Variants in NDUFAF6 observed in about 807,000 individuals in gnomAD.
NDUFAF6 encodes the protein NADH dehydrogenase (ubiquinone) complex I, assembly factor 6.
Under a neutral mutation model 40.8 loss-of-function variants are expected in NDUFAF6, and 45 were observed. The ratio of observed to expected loss-of-function variants is 1.10; its 90% CI spans 0.87 to 1.42. The LOEUF is 1.42. Among genes scored for constraint, NDUFAF6 ranks in the 40% most tolerant of loss-of-function variants. The probability of loss-of-function intolerance (pLI) is 0.00; values close to 1 mark genes in which losing one functional copy is unlikely to be tolerated. For missense variants in NDUFAF6, 435 were observed against 418.5 expected (o/e 1.04, Z -0.34); for synonymous variants, 185 against 155.9 (o/e 1.19, Z -1.39).
At chr8:94,977,140 GAAAAAAAAAA>G (rs999161388) in intron 1 of NDUFAF6, among the ~76,000 whole-genome samples, 1 of 66,924 alleles carries the variant, frequency 1.5e-5, no homozygotes, top group African/African-American at 6.0e-5. Flanking sequence ...CCCTGACTCA[GAAAAAAAAAA>G]AAAAAAAAAA....
upstream of NDUFAF6, among the ~76,000 whole-genome samples, chr8:94,956,130 G>T (rs1823050109): frequency 6.6e-6 from 1 of 152,068 alleles, no homozygotes; most frequent in African/African-American, 2.4e-5. Context: ...TGCATAAAAT[G>T]GGGATGATTA....
intron 2 of NDUFAF6, chr8:94,949,284 C>G (rs1426936555): frequency 2.0e-5 from 3 of 150,786 alleles, no homozygotes; most frequent in Non-Finnish European, 4.4e-5. Context: ...CGTTCAGGTA[C>G]CCAGACGGCA....
chr8:95,057,083 T>C (rs1016247426), intron 8 of NDUFAF6, among the ~76,000 whole-genome samples: 5 of 152,208 alleles, frequency 3.3e-5, no homozygotes, highest in Non-Finnish European at 5.9e-5. Context: ...CGCAGAACTC[T>C]AGGGGGCGCT....
chr8:94,962,021 C>T (rs926128275), intron 1 of NDUFAF6, among the ~76,000 whole-genome samples: 1 of 152,216 alleles, frequency 6.6e-6, no homozygotes, highest in African/African-American at 2.4e-5. Flanking sequence ...TGTCCTTTGC[C>T]TTCCCCCTTC....
At chr8:94,997,323 CACACACACACACACACACACAG>C (rs1346365825) in intron 2 of NDUFAF6, among the ~76,000 whole-genome samples, 1 of 137,752 alleles carries the variant, frequency 7.3e-6, no homozygotes, top group Non-Finnish European at 1.6e-5. Flanking sequence ...CACACACACA[CACACACACACACACACACACAG>C]AGAGAGAGAG....
chr8:95,016,863 C>T (rs1827471758), intron 2 of NDUFAF6, among the ~76,000 whole-genome samples: 1 of 151,580 alleles, frequency 6.6e-6, no homozygotes, highest in African/African-American at 2.4e-5. Context: ...GGACTATTTT[C>T]ATAGGTCTAT....
chr8:94,985,882 T>G (rs1305505726), intron 2 of NDUFAF6, among the ~76,000 whole-genome samples: 1 of 149,586 alleles, frequency 6.7e-6, no homozygotes, highest in East Asian at 2.0e-4. Flanking sequence ...TCCTTTCTTT[T>G]TTTTTTTTTG....
In NDUFAF6 at chr8:95,090,963, A is replaced by G. The variant is rs1809229038; in HGVS notation, n.214-10169A>G. On this transcript the variant is annotated intron_variant and non_coding_transcript_variant, in intron 2 of 5. Coordinates refer to the NDUFAF6 transcript ENST00000523184. Reference sequence around the variant, plus strand: ...CTCCTTGCTCCTCAAGCTTGCAGACAGCCTATTGTGGGACCTTGTGATAGT... The same window carrying G: ...CTCCTTGCTCCTCAAGCTTGCAGACGGCCTATTGTGGGACCTTGTGATAGT... Among the ~76,000 whole-genome samples the G allele has an allele frequency of 3.9e-5, 6 of 152,232 alleles. No individual in the cohort carries two copies. In the South Asian group the frequency reaches 1.2e-3, roughly 32 times the overall value.
chr8:95,031,132 A>C (rs1328623582), intron 1 of NDUFAF6, among the ~76,000 whole-genome samples: 4 of 152,174 alleles, frequency 2.6e-5, no homozygotes, highest in African/African-American at 9.6e-5. Flanking sequence ...GAGGAGACAA[A>C]TATCCAGATA....
At position 94,898,079 on chromosome 8, in the gene NDUFAF6, A is replaced by G. The variant is rs1283627445; in HGVS notation, c.-936+2152A>G. On this transcript the variant is annotated intron_variant, in intron 1 of 14. Transcript: ENST00000396113. ...TTTTAAAGAAAAATTGAGCAGGTGG[A>G]ACAGGACTTCCATATACTCACTCCC... Among the ~76,000 whole-genome samples the G allele has an allele frequency of 7.9e-5, 12 of 152,182 alleles. No homozygotes were observed. The South Asian group carries it at 2.5e-3, about 32-fold the overall frequency.
At chr8:95,003,262 C>CA (rs1415684074) in intron 2 of NDUFAF6, among the ~76,000 whole-genome samples, 2 of 152,128 alleles carry the variant, frequency 1.3e-5, no homozygotes, top group African/African-American at 4.8e-5. Context: ...TGAAGGAAAA[C>CA]AAAAAATTAC....
chr8:94,902,505 A>G (rs897300213), intron 1 of NDUFAF6, among the ~76,000 whole-genome samples: 1 of 151,964 alleles, frequency 6.6e-6, no homozygotes, highest in Admixed American at 6.6e-5. Context: ...GTTGTGGAAC[A>G]TTACCACCAC....
intron 1 of NDUFAF6, among the ~76,000 whole-genome samples, chr8:94,941,931 T>A (rs937436308): frequency 5.3e-5 from 8 of 152,056 alleles, no homozygotes; most frequent in Non-Finnish European, 1.2e-4. Context: ...AAGATAGGTT[T>A]TTTTCCCCCA....
At chr8:94,931,983 G>T (rs1012693649) in intron 1 of NDUFAF6, 19 of 1,359,116 alleles carry the variant, frequency 1.4e-5, no homozygotes, top group Non-Finnish European at 1.9e-5. Context: ...AAAAAAGAAA[G>T]AAAGTCATTT....
At chr8:95,093,153 T>C (rs1298547807) in intron 2 of NDUFAF6, among the ~76,000 whole-genome samples, 1 of 152,166 alleles carries the variant, frequency 6.6e-6, no homozygotes, top group African/African-American at 2.4e-5. Flanking sequence ...GAGATGTAAC[T>C]TGGGTTCTAG....
chr8:94,952,415 T>TAG (rs1822700272), intron 2 of NDUFAF6, among the ~76,000 whole-genome samples: 1 of 152,222 alleles, frequency 6.6e-6, no homozygotes, highest in Non-Finnish European at 1.5e-5. Flanking sequence ...CTTAGGTCGT[T>TAG]TTCTATCTAC....
intron 1 of NDUFAF6, chr8:94,941,201 A>G (rs1404160612): frequency 3.1e-6 from 1 of 320,646 alleles, no homozygotes; most frequent in Admixed American, 4.9e-5. Flanking sequence ...CTTGGCCTAC[A>G]TTCTACAGCT....
chr8:94,971,766 C>T (rs1242056737), intron 1 of NDUFAF6, among the ~76,000 whole-genome samples: 2 of 152,098 alleles, frequency 1.3e-5, no homozygotes, highest in Admixed American at 6.5e-5. Context: ...ATGAAACCCC[C>T]GTCTCTACTA....
At chr8:95,078,779 A>G (rs189609425), downstream of NDUFAF6, 1 of 151,522 alleles carries the variant, frequency 6.6e-6, no homozygotes, top group East Asian at 1.9e-4. Flanking sequence ...ATCATTTCGA[A>G]TGTCATATAA....
Sources: gnomAD v4.1 joint callset for allele counts (sites outside exome capture counted in the v4.1 genomes callset) on GRCh38, gnomAD v4.1.1 for gene constraint, MANE v1.5 for transcripts, NCBI Gene and HGNC (gene_info 2026-07-23, HGNC 2026-07-21) for gene names.